The following LOC400499 variants were observed in gnomAD, a reference collection of about 807,000 sequenced individuals.
the LOC400499 span, chr16:11,440,934 C>A: frequency 2.5e-6 from 1 of 399,124 alleles, no homozygotes; most frequent in South Asian, 1.3e-4. Context: ...TCTGGGGACC[C>A]ATACCTGGTA....
the LOC400499 span, among the ~76,000 whole-genome samples, chr16:11,419,643 C>G: frequency 6.6e-6 from 1 of 152,302 alleles, no homozygotes; most frequent in East Asian, 1.9e-4. Flanking sequence ...GCAAAAGAAA[C>G]TACCATCAGA....
the LOC400499 span, among the ~76,000 whole-genome samples, chr16:11,450,084 C>T: frequency 6.6e-6 from 1 of 152,330 alleles, no homozygotes; most frequent in Admixed American, 6.5e-5. Context: ...GACTGTGCTG[C>T]CCTCGGATGA....
chr16:11,377,087 G>A, the LOC400499 span, among the ~76,000 whole-genome samples: 1 of 152,104 alleles, frequency 6.6e-6, no homozygotes, highest in South Asian at 2.1e-4. Flanking sequence ...CCAAGTAGCT[G>A]AGACTATAGG....
the LOC400499 span, among the ~76,000 whole-genome samples, chr16:11,383,320 G>A: frequency 5.9e-3 from 901 of 152,268 alleles, 6 homozygotes; most frequent in Non-Finnish European, 9.2e-3. Context: ...ACCCACCTCA[G>A]CCTCCCAAAG....
chr16:11,384,827 A>AG, the LOC400499 span: 1 of 1,223,022 alleles, frequency 8.2e-7, no homozygotes, highest in Non-Finnish European at 1.0e-6. Context: ...GGAAGCTTAA[A>AG]GGGGTGCATC....
At chr16:11,521,647 C>T in the LOC400499 span, among the ~76,000 whole-genome samples, 1 of 152,288 alleles carries the variant, frequency 6.6e-6, no homozygotes, top group South Asian at 2.1e-4. Flanking sequence ...TCAGTCCACC[C>T]CTAGGGCACA....
At chr16:11,478,861 G>A in the LOC400499 span, among the ~76,000 whole-genome samples, 265 of 152,288 alleles carry the variant, frequency 1.7e-3, no homozygotes, top group African/African-American at 5.8e-3. Context: ...CGTGCTGTTC[G>A]CGTGATAGTG....
the LOC400499 span, chr16:11,456,847 G>T: frequency 6.5e-7 from 1 of 1,536,242 alleles, no homozygotes. Context: ...AGGCCCCACA[G>T]CCAACACTCA....
the LOC400499 span, chr16:11,384,943 G>C: frequency 5.7e-6 from 7 of 1,232,094 alleles, no homozygotes; most frequent in East Asian, 1.9e-4. Context: ...CGTCACAGGA[G>C]ACAGACACCC....
At chr16:11,454,076 C>A in the LOC400499 span, among the ~76,000 whole-genome samples, 274 of 152,274 alleles carry the variant, frequency 1.8e-3, 1 homozygote, top group African/African-American at 6.3e-3. Context: ...AGGACTAAGA[C>A]GAGCTCCTAA....
At chr16:11,472,400 C>A in the LOC400499 span, 1 of 152,004 alleles carries the variant, frequency 6.6e-6, no homozygotes, top group African/African-American at 2.4e-5. Context: ...ACCATATTGG[C>A]CAGGCTGATC....
chr16:11,484,974 C>T, the LOC400499 span: 1 of 399,276 alleles, frequency 2.5e-6, no homozygotes, highest in East Asian at 3.6e-5. Context: ...CCTGGGGGTT[C>T]CTCTGGCTCA....
the LOC400499 span, chr16:11,435,827 G>T: frequency 5.0e-6 from 2 of 399,262 alleles, no homozygotes; most frequent in East Asian, 7.1e-5. Flanking sequence ...CATTTGCACA[G>T]ATAGAGACCC....
At chr16:11,501,786 G>C in the LOC400499 span, among the ~76,000 whole-genome samples, 5 of 152,130 alleles carry the variant, frequency 3.3e-5, no homozygotes, top group Non-Finnish European at 5.9e-5. Context: ...ATTCCAGCAA[G>C]AGGGTCCCTG....
chr16:11,478,221 T>C, the LOC400499 span, among the ~76,000 whole-genome samples: 1 of 149,408 alleles, frequency 6.7e-6, no homozygotes, highest in African/African-American at 2.5e-5. Flanking sequence ...AGAGACAGGG[T>C]TTCGCCATGT....
chr16:11,409,183 C>A, the LOC400499 span, among the ~76,000 whole-genome samples: 3 of 151,962 alleles, frequency 2.0e-5, no homozygotes, highest in African/African-American at 7.3e-5. Flanking sequence ...ATTGCATAAG[C>A]CCAGGTGGCG....
At chr16:11,515,967 G>C in the LOC400499 span, 4 of 390,850 alleles carry the variant, frequency 1.0e-5, no homozygotes, top group Admixed American at 4.5e-5. Context: ...AGTGATGAGC[G>C]TCCCCTGCGC....
chr16:11,440,784 T>C, the LOC400499 span: 8 of 398,960 alleles, frequency 2.0e-5, no homozygotes, highest in Non-Finnish European at 3.5e-5. Flanking sequence ...TGAATGTTCC[T>C]TGGGGACTCT....
the LOC400499 span, chr16:11,372,371 C>T: frequency 3.9e-5 from 6 of 152,242 alleles, no homozygotes. Flanking sequence ...CAGTGGCTTC[C>T]CAAATGGCTG....
Sources: gnomAD v4.1 joint callset for allele counts (sites outside exome capture counted in the v4.1 genomes callset) on GRCh38, gnomAD v4.1.1 for gene constraint, MANE v1.5 for transcripts.